XPR1: variants seen among roughly 807,000 people sequenced by gnomAD.
XPR1 encodes the protein xenotropic and polytropic retrovirus receptor 1, also known as solute carrier family 53 member 1.
Under a neutral mutation model 87.5 loss-of-function variants are expected in XPR1, and 28 were observed. The observed-to-expected ratio is 0.32, with a 90% CI of 0.24 to 0.44. The LOEUF is 0.44. XPR1 is among the 20% of genes least tolerant of loss of function. The pLI, the probability that XPR1 is intolerant of heterozygous loss-of-function variation, is 1.00. For missense variants in XPR1, 559 were observed against 862.3 expected (o/e 0.65, Z 4.41); for synonymous variants, 300 against 306.1 (o/e 0.98, Z 0.21).
Position 180,880,057 on chromosome 1 carries a change from T to C in XPR1, c.1809-19T>C, listed in dbSNP as rs773520340. ...TGTTACAATTTCATAAGTACTTTGA[T>C]CTACCCCATTTTGCTAAGGCGATTT... is the stretch of plus-strand genomic sequence containing the variant. On this transcript the variant is annotated intron_variant, in intron 13 of 14. Transcript: ENST00000367590. The C allele has an allele frequency of 1.2e-6, 2 of 1,613,782 alleles. No homozygotes were observed. The highest frequency in any genetic ancestry group is 3.3e-5 in the Admixed American group (2 of 60,012).
intron 2 of XPR1, among the ~76,000 whole-genome samples, chr1:180,781,382 G>C (rs1202370197): frequency 6.6e-6 from 1 of 151,870 alleles, no homozygotes; most frequent in African/African-American, 2.4e-5. Flanking sequence ...ATGAAAATTT[G>C]AATGGAACAT....
chr1:180,662,451 C>T (rs1374104096), intron 1 of XPR1, among the ~76,000 whole-genome samples: 1 of 152,160 alleles, frequency 6.6e-6, no homozygotes, highest in Non-Finnish European at 1.5e-5. Context: ...TGTCATGCCA[C>T]TCTCTTGGTC....
At chr1:180,847,145 G>A (rs1290179852) in intron 11 of XPR1, among the ~76,000 whole-genome samples, 1 of 152,046 alleles carries the variant, frequency 6.6e-6, no homozygotes, top group Non-Finnish European at 1.5e-5. Flanking sequence ...TTTCATAGCT[G>A]GTATAGAAAA....
intron 1 of XPR1, among the ~76,000 whole-genome samples, chr1:180,648,351 A>T (rs1483047322): frequency 1.3e-5 from 2 of 152,188 alleles, no homozygotes; most frequent in East Asian, 1.9e-4. Flanking sequence ...AGAGTCTCTC[A>T]TTTCTGAAAT....
At chr1:180,673,779 A>G (rs910811567) in intron 1 of XPR1, among the ~76,000 whole-genome samples, 3 of 152,182 alleles carry the variant, frequency 2.0e-5, no homozygotes, top group African/African-American at 7.2e-5. Context: ...CTTCCGTGAA[A>G]CTAGTCCCTG....
At chr1:180,859,062 A>AGCCAGTAAATTATT (rs1652132122) in intron 11 of XPR1, among the ~76,000 whole-genome samples, 1 of 13,400 alleles carries the variant, frequency 7.5e-5, no homozygotes, top group Non-Finnish European at 1.3e-3. Context: ...TTTTATTTCA[A>AGCCAGTAAATTATT]ACCAGTTCTC....
intron 2 of XPR1, among the ~76,000 whole-genome samples, chr1:180,764,576 C>T (rs1475349758): frequency 6.6e-6 from 1 of 151,706 alleles, no homozygotes; most frequent in African/African-American, 2.4e-5. Context: ...CTCAAGCAAT[C>T]CTCCCACCTC....
intron 2 of XPR1, among the ~76,000 whole-genome samples, chr1:180,763,362 T>A (rs774836741): frequency 6.6e-6 from 1 of 152,150 alleles, no homozygotes; most frequent in Non-Finnish European, 1.5e-5. Flanking sequence ...TTTTCAATGA[T>A]GATGATGAAC....
chr1:180,848,275 G>A (rs1651754158), intron 11 of XPR1, among the ~76,000 whole-genome samples: 1 of 152,094 alleles, frequency 6.6e-6, no homozygotes, highest in South Asian at 2.1e-4. Context: ...CTATCTAGAT[G>A]TAATTTTGAA....
chr1:180,806,643 A>T, intron 6 of XPR1, 86 bp downstream of exon 6: 1 of 1,245,372 alleles, frequency 8.0e-7, no homozygotes, highest in Non-Finnish European at 1.1e-6. Flanking sequence ...TCTTAAAAAA[A>T]TTTTCAGCCA....
intron 2 of XPR1, among the ~76,000 whole-genome samples, chr1:180,746,594 T>G (rs772262373): frequency 1.8e-4 from 28 of 152,180 alleles, no homozygotes; most frequent in Non-Finnish European, 2.9e-4. Flanking sequence ...GGTTTTTTTT[T>G]GATATAATGA....
At chr1:180,706,179 C>T (rs1357665658) in intron 2 of XPR1, among the ~76,000 whole-genome samples, 1 of 152,126 alleles carries the variant, frequency 6.6e-6, no homozygotes, top group East Asian at 1.9e-4. Flanking sequence ...CTAGTGTATT[C>T]TAAGATTTGG....
intron 2 of XPR1, among the ~76,000 whole-genome samples, chr1:180,749,531 C>A (rs1647434194): frequency 6.6e-6 from 1 of 151,870 alleles, no homozygotes; most frequent in Non-Finnish European, 1.5e-5. Flanking sequence ...GTAAGATTCA[C>A]CTGGCTCTAT....
chr1:180,675,498 A>G (rs569834042), intron 1 of XPR1, among the ~76,000 whole-genome samples: 3 of 152,188 alleles, frequency 2.0e-5, no homozygotes, highest in Non-Finnish European at 4.4e-5. Context: ...TTCTTTTGGC[A>G]TAGTGAATTG....
chr1:180,738,555 T>C (rs12408146), intron 2 of XPR1, among the ~76,000 whole-genome samples: 34,029 of 152,164 alleles, frequency 0.22, 3,932 homozygotes, highest in Middle Eastern at 0.29. Context: ...TTCAGTTGTT[T>C]AGTGGTTTTA....
At chr1:180,831,278 C>T (rs1049465679) in intron 9 of XPR1, among the ~76,000 whole-genome samples, 4 of 152,026 alleles carry the variant, frequency 2.6e-5, no homozygotes, top group African/African-American at 9.7e-5. Flanking sequence ...ACTTTAGAGC[C>T]TCTCAGTGCT....
chr1:180,644,691 A>G (rs1356565722), intron 1 of XPR1, among the ~76,000 whole-genome samples: 1 of 151,978 alleles, frequency 6.6e-6, no homozygotes. Context: ...GTGGTTCCCA[A>G]CCTTTTTGGC....
At position 180,755,151 on chromosome 1, in the gene XPR1, T is replaced by C. The variant is rs191251893; in HGVS notation, c.122-32602T>C. On this transcript the variant is annotated intron_variant, in intron 2 of 14. Transcript: ENST00000367590. ...GGTTTTCAACATATATTGATAGATG[T>C]AGCATGTGTCGATGTATACACATAT... Among the ~76,000 whole-genome samples the C allele has an allele frequency of 5.9e-5, 9 of 152,322 alleles. No homozygotes were observed. The East Asian group carries it at 1.7e-3, about 29-fold the overall frequency.
chr1:180,849,917 A>C (rs1651809887), intron 11 of XPR1, among the ~76,000 whole-genome samples: 1 of 152,202 alleles, frequency 6.6e-6, no homozygotes, highest in African/African-American at 2.4e-5. Context: ...ACATCAAGAA[A>C]GGGGACCCAG....
Sources: gnomAD v4.1 joint callset for allele counts (sites outside exome capture counted in the v4.1 genomes callset) on GRCh38, gnomAD v4.1.1 for gene constraint, MANE v1.5 for transcripts, NCBI Gene and HGNC (gene_info 2026-07-23, HGNC 2026-07-21) for gene names.